The following CELF2 variants were observed in gnomAD, a reference collection of about 807,000 sequenced individuals.
The protein encoded by CELF2 is CUGBP Elav-like family member 2, also known as CUG triplet repeat RNA-binding protein 2.
In CELF2, 8 loss-of-function variants were observed where a neutral mutation model predicts 62.6. The ratio of observed to expected loss-of-function variants is 0.13; its 90% CI spans 0.07 to 0.23. The LOEUF (loss-of-function observed/expected upper bound fraction) is 0.23, where lower values mean the gene tolerates loss of function less well. Among genes scored for constraint, CELF2 ranks in the 10% least tolerant of loss-of-function variants. The pLI is 1.00. For missense variants in CELF2, 333 were observed against 671.0 expected, an observed-to-expected ratio of 0.50 and a Z score of 5.56; for synonymous variants, 258 against 250.0, an observed-to-expected ratio of 1.03 and a Z score of -0.30.
At chr10:10,841,148 C>T (rs1186087367) in intron 1 of CELF2, among the ~76,000 whole-genome samples, 1 of 152,134 alleles carries the variant, frequency 6.6e-6, no homozygotes. Flanking sequence ...CTGCAGTAAA[C>T]ATACGTGTGC....
rs1313512373 is a variant in CELF2, at chr10:10,947,667, G to C, written c.89+27668G>C. On this transcript the variant is annotated intron_variant, in intron 2 of 13. Transcript: ENST00000636488. The surrounding 1 kb of genome is among the most constrained non-coding windows in gnomAD (Gnocchi z 4.1). ...AGAATAAAGAAATGTATGAGGGGAT[G>C]AGTGCCTACTGTGTAATCCCCGCTA... The C allele has an allele frequency of 6.6e-6, 1 of 152,488 alleles. No homozygotes were observed. The highest frequency in any genetic ancestry group is 1.5e-5 in the Non-Finnish European group (1 of 68,038). 9.4% of individuals were successfully genotyped at this position (152,488 alleles called of 1,614,324 possible).
chr10:10,835,540 ACC>A (rs1335102195), intron 1 of CELF2, among the ~76,000 whole-genome samples: 2 of 151,896 alleles, frequency 1.3e-5, no homozygotes, highest in Non-Finnish European at 2.9e-5. Flanking sequence ...CCGAAACCAC[ACC>A]CAGCTAATTT....
At chr10:10,479,394 CCT>C in the CELF2 span, among the ~76,000 whole-genome samples, 2 of 152,152 alleles carry the variant, frequency 1.3e-5, no homozygotes, top group Non-Finnish European at 2.9e-5. Context: ...GTCTCGACCT[CCT>C]GACCTCGTGA....
chr10:11,084,448 C>T (rs2074879411), intron 1 of CELF2, among the ~76,000 whole-genome samples: 2 of 152,188 alleles, frequency 1.3e-5, no homozygotes. Context: ...TAGAGTTAAA[C>T]AGGCTTTGGG....
the CELF2 span, among the ~76,000 whole-genome samples, chr10:10,552,010 A>C: frequency 6.6e-6 from 1 of 152,178 alleles, no homozygotes; most frequent in Non-Finnish European, 1.5e-5. Context: ...TCACATCTGC[A>C]GAGCCCCAGA....
chr10:11,157,053 G>C lies in CELF2; in HGVS notation c.75-8433G>C, dbSNP rs891671917. On this transcript the variant is annotated intron_variant, in intron 1 of 12. Coordinates refer to ENST00000633077, the MANE Select transcript of CELF2 (RefSeq NM_001326342.2). This position sits in a 1 kb window ranked among gnomAD's most constrained non-coding sequence, Gnocchi z 4.9. The stretch of plus-strand genomic sequence containing the variant: ...CCTCTCCACAGGATTCCCACAGCGT[G>C]TGAGAATGAAGGGTGGAAATGGAAG... Among the ~76,000 whole-genome samples, 21 of 152,136 alleles carry C rather than the reference G, an allele frequency of 1.4e-4. No homozygotes were observed. Among genetic ancestry groups the C allele is most frequent in the Non-Finnish European group, 2.8e-4 (19 of 68,030 alleles).
intron 1 of CELF2, among the ~76,000 whole-genome samples, chr10:11,085,008 C>T (rs1047380792): frequency 6.6e-6 from 1 of 152,174 alleles, no homozygotes; most frequent in African/African-American, 2.4e-5. Flanking sequence ...CTGAAAATTT[C>T]TACAAATACT....
At chr10:10,888,319 G>T (rs1434222694) in intron 1 of CELF2, among the ~76,000 whole-genome samples, 3 of 152,204 alleles carry the variant, frequency 2.0e-5, no homozygotes, top group African/African-American at 7.2e-5. Flanking sequence ...CACGCAGGGT[G>T]GGAAGAGCAT....
intron 1 of CELF2, among the ~76,000 whole-genome samples, chr10:11,053,612 C>CTTTTTTT (rs35886208): frequency 2.5e-5 from 3 of 122,430 alleles, no homozygotes; most frequent in African/African-American, 6.0e-5. Context: ...TCTGATATTT[C>CTTTTTTT]TTTTTTTTTT....
the CELF2 span, among the ~76,000 whole-genome samples, chr10:10,731,216 T>A: frequency 3.3e-5 from 5 of 151,890 alleles, no homozygotes; most frequent in Admixed American, 3.3e-4. Flanking sequence ...TGGATTTATA[T>A]GTTAAGGAAG....
chr10:11,312,850 C>T (rs1186450679), intron 9 of CELF2, among the ~76,000 whole-genome samples: 3 of 152,220 alleles, frequency 2.0e-5, no homozygotes, highest in Non-Finnish European at 2.9e-5. Flanking sequence ...AGGAGAATCA[C>T]TTGAACCTGG....
chr10:10,828,889 G>T (rs2057625147), intron 1 of CELF2, among the ~76,000 whole-genome samples: 1 of 152,198 alleles, frequency 6.6e-6, no homozygotes, highest in African/African-American at 2.4e-5. Context: ...TGCTGAGCCT[G>T]GTTGGTCATT....
Position 11,292,794 on chromosome 10 carries a change from C to T in CELF2, c.976+4242C>T, listed in dbSNP as rs145624260. On this transcript the variant is annotated intron_variant, in intron 9 of 12. Coordinates refer to ENST00000633077, the MANE Select transcript of CELF2 (RefSeq NM_001326342.2). Reference sequence around the variant, plus strand: ...CCCCACCCTGCTAAATGGATTGTCCCAATGGCTGGTGTGACTTGGTCGCTG... The same window carrying T: ...CCCCACCCTGCTAAATGGATTGTCCTAATGGCTGGTGTGACTTGGTCGCTG... Among the ~76,000 whole-genome samples, 358 of 152,346 alleles carry T rather than the reference C, an allele frequency of 2.3e-3. 1 individual carries two copies. Among genetic ancestry groups the T allele is most frequent in the Non-Finnish European group, 4.2e-3 (289 of 68,036 alleles).
the CELF2 span, among the ~76,000 whole-genome samples, chr10:10,705,366 TA>T: frequency 1.4e-3 from 185 of 134,014 alleles, 1 homozygote; most frequent in Admixed American, 3.3e-3. Flanking sequence ...CCTTCCCTAT[TA>T]AAAAAAAAAA....
chr10:10,737,301 C>A, the CELF2 span, among the ~76,000 whole-genome samples: 2 of 151,934 alleles, frequency 1.3e-5, no homozygotes, highest in Admixed American at 6.6e-5. Context: ...TTTATATTAG[C>A]CTTTTATCAT....
chr10:10,513,295 A>G, the CELF2 span, among the ~76,000 whole-genome samples: 1 of 152,132 alleles, frequency 6.6e-6, no homozygotes, highest in Non-Finnish European at 1.5e-5. Context: ...CAGCTGTCAC[A>G]ACCACATCAT....
intron 1 of CELF2, among the ~76,000 whole-genome samples, chr10:10,807,970 G>A (rs2055407762): frequency 6.6e-6 from 1 of 152,134 alleles, no homozygotes. Context: ...AGGTCTCTGA[G>A]ACAGCTTCTT....
intron 1 of CELF2, among the ~76,000 whole-genome samples, chr10:10,859,682 G>A (rs148083374): frequency 0.013 from 2,033 of 152,156 alleles, 29 homozygotes; most frequent in Middle Eastern, 0.048. Context: ...TGGTTTATTC[G>A]AAGATCTAGC....
At chr10:10,796,716 C>A (rs1239923968), upstream of CELF2, among the ~76,000 whole-genome samples, 1 of 152,218 alleles carries the variant, frequency 6.6e-6, no homozygotes, top group South Asian at 2.1e-4. Flanking sequence ...TCAAAGCACC[C>A]GGAACCCTTT....
Sources: allele counts gnomAD v4.1 joint callset (sites outside exome capture counted in the v4.1 genomes callset), GRCh38; gene constraint gnomAD v4.1.1; non-coding constraint Gnocchi (gnomAD v3.1); transcripts MANE v1.5; gene names NCBI Gene and HGNC (gene_info 2026-07-23, HGNC 2026-07-21).